NBEA: variants seen among roughly 807,000 people sequenced by gnomAD.
NBEA encodes neurobeachin.
NBEA carries 44 observed loss-of-function variants against 343.4 expected under a neutral mutation model. The ratio of observed to expected loss-of-function variants is 0.13; its 90% confidence interval spans 0.10 to 0.16. The LOEUF is 0.16. Ranked by LOEUF, NBEA falls within the 10% of genes least tolerant of loss-of-function variation. NBEA has a pLI of 1.00. For synonymous variants in NBEA, 1,175 were observed against 1,238.7 expected, an observed-to-expected ratio of 0.95 and a Z score of 1.08; for missense variants, 2,555 against 3,631.3, an observed-to-expected ratio of 0.70 and a Z score of 7.62.
intron 41 of NBEA, among the ~76,000 whole-genome samples, chr13:35,501,799 G>A (rs892678104): frequency 1.8e-4 from 27 of 151,954 alleles, no homozygotes; most frequent in African/African-American, 5.6e-4. Context: ...CCATTTCCTC[G>A]ACTCCTCCTG....
rs569654531 is a variant in NBEA, at chr13:35,428,228, C to T, written c.6180-4041C>T. 5.9e-5 allele frequency among the ~76,000 whole-genome samples: 9 copies of T among 152,240 alleles called. No homozygotes were observed. The East Asian group carries it at 7.7e-4, about 13-fold the overall frequency. ...AATCACCCATCTTCTGCGTTGCTCA[C>T]GCTGGGAGCTGTAGACCGGAGCTGT... On this transcript the variant is annotated intron_variant, in intron 38 of 58. Coordinates refer to ENST00000379939, the MANE Select transcript of NBEA (RefSeq NM_001385012.1).
rs535905888 is a variant in NBEA, at chr13:35,111,214, G to A, written c.2002+236G>A. 5.3e-5 allele frequency among the ~76,000 whole-genome samples: 8 copies of A among 152,150 alleles called. No homozygotes were observed. The East Asian group carries it at 1.4e-3, about 26-fold the overall frequency. Reference sequence around the variant, plus strand: ...CAATAGTCTTTATTTTAGCCTGTATGCTTTTTTTTCATTCAGGAAGATACA... The same window carrying A: ...CAATAGTCTTTATTTTAGCCTGTATACTTTTTTTTCATTCAGGAAGATACA... On this transcript the variant is annotated intron_variant, in intron 13 of 58. Transcript: ENST00000379939.
At chr13:35,654,794 G>A in intron 53 of NBEA, 61 bp from the exon 54 acceptor site, 1 of 1,371,196 alleles carries the variant, frequency 7.3e-7, no homozygotes, top group South Asian at 1.5e-5. Context: ...TTCCTTCTTT[G>A]AGTGCTTGGC....
At chr13:35,466,249 A>T (rs1251819722) in intron 40 of NBEA, among the ~76,000 whole-genome samples, 3 of 152,206 alleles carry the variant, frequency 2.0e-5, no homozygotes, top group Non-Finnish European at 4.4e-5. Context: ...AGGATAGATT[A>T]TGCTCAAGAA....
At chr13:35,282,401 G>C (rs1281494139) in intron 34 of NBEA, among the ~76,000 whole-genome samples, 1 of 152,066 alleles carries the variant, frequency 6.6e-6, no homozygotes, top group Admixed American at 6.6e-5. Context: ...AGTCTTTCTT[G>C]AGCAGTGTTA....
At chr13:35,015,979 C>G (rs181188138) in intron 1 of NBEA, among the ~76,000 whole-genome samples, 108 of 152,144 alleles carry the variant, frequency 7.1e-4, no homozygotes, top group African/African-American at 2.4e-3. Context: ...ATCTTTTATT[C>G]ATTCATTTGA....
intron 43 of NBEA, 64 bp downstream of exon 43, chr13:35,551,096 C>T: frequency 2.1e-6 from 2 of 948,206 alleles, no homozygotes; most frequent in Non-Finnish European, 3.2e-6. Flanking sequence ...AATATTACAG[C>T]AATGTAAATG....
At chr13:35,261,571 G>A (rs13378571) in intron 34 of NBEA, among the ~76,000 whole-genome samples, 10,234 of 151,830 alleles carry the variant, frequency 0.067, 356 homozygotes, top group African/African-American at 0.088. Context: ...ATGTAAAAAA[G>A]AAAGAAATGG....
rs552083481 is a variant in NBEA at position 35,111,394 on chromosome 13, AT to A, written c.2002+426del. ...TAATGGAAACTAATTCTTCACTGTG[AT>A]TTTTTTTTTGAAAATATAGCCAGTT... On this transcript the variant is annotated intron_variant, in intron 13 of 58. Coordinates refer to ENST00000379939, the MANE Select transcript of NBEA (RefSeq NM_001385012.1). Among the ~76,000 whole-genome samples, 582 of 149,548 alleles carry A rather than the reference AT, an allele frequency of 3.9e-3. 2 individuals are homozygous for A. Among genetic ancestry groups the A allele is most frequent in the Middle Eastern group, 7.0e-3 (2 of 286 alleles).
chr13:35,619,599 AG>A (rs1322576305), intron 48 of NBEA, among the ~76,000 whole-genome samples: 1 of 152,148 alleles, frequency 6.6e-6, no homozygotes, highest in Non-Finnish European at 1.5e-5. Context: ...GATGGGCCAG[AG>A]GGGGCTCAGA....
rs17052205 is a variant in NBEA at position 35,400,403 on chromosome 13, T to G, written c.6180-31866T>G. Among the ~76,000 whole-genome samples the G allele has an allele frequency of 2.6e-3, 398 of 152,050 alleles. 2 individuals carry two copies. Among genetic ancestry groups the G allele is most frequent in the South Asian group, 5.0e-3 (24 of 4,824 alleles). On this transcript the variant is annotated intron_variant, in intron 38 of 58. Transcript: ENST00000379939. Reference sequence around the variant, plus strand: ...TATATGTTTAAGGGATATAATGTAGTGCCTGGCTCACATTTGTTACTCAGA... The same window carrying G: ...TATATGTTTAAGGGATATAATGTAGGGCCTGGCTCACATTTGTTACTCAGA...
intron 33 of NBEA, among the ~76,000 whole-genome samples, chr13:35,219,124 G>A (rs1485890064): frequency 1.3e-5 from 2 of 151,982 alleles, no homozygotes; most frequent in Non-Finnish European, 2.9e-5. Context: ...CATATAATCT[G>A]TAGTAATGTC....
rs61074134 is a variant in NBEA at position 35,059,732 on chromosome 13, T to C, written c.1239+869T>C. ...CTTTGTATTTTTGCATTGGTATTTC[T>C]CTTTGTATGTCATATATATATATAT... On this transcript the variant is annotated intron_variant, in intron 8 of 58. Coordinates refer to ENST00000379939, the MANE Select transcript of NBEA (RefSeq NM_001385012.1). Among the ~76,000 whole-genome samples the C allele has an allele frequency of 4.9e-3, 703 of 143,888 alleles. 7 individuals are homozygous for C. The highest frequency in any genetic ancestry group is 0.017 in the African/African-American group (679 of 40,124). 94.4% of individuals were successfully genotyped at this position (143,888 alleles called of 152,430 possible).
At chr13:35,522,082 T>C (rs1218693623) in intron 41 of NBEA, among the ~76,000 whole-genome samples, 1 of 151,806 alleles carries the variant, frequency 6.6e-6, no homozygotes, top group Non-Finnish European at 1.5e-5. Flanking sequence ...ACAGCAGGGA[T>C]TCAAGGGGAT....
intron 33 of NBEA, among the ~76,000 whole-genome samples, chr13:35,220,182 A>G (rs752867819): frequency 2.0e-5 from 3 of 152,166 alleles, no homozygotes; most frequent in Non-Finnish European, 4.4e-5. Flanking sequence ...TTTTGCAGAC[A>G]TACATGTACA....
At chr13:35,260,293 A>C (rs1254375332) in intron 34 of NBEA, among the ~76,000 whole-genome samples, 1 of 152,248 alleles carries the variant, frequency 6.6e-6, no homozygotes, top group Non-Finnish European at 1.5e-5. Context: ...AAATTCTAAA[A>C]GACATACTTT....
At chr13:35,428,709 G>A (rs1220694977) in intron 38 of NBEA, among the ~76,000 whole-genome samples, 3 of 152,154 alleles carry the variant, frequency 2.0e-5, no homozygotes, top group Non-Finnish European at 4.4e-5. Flanking sequence ...CCATTTCGAT[G>A]TTGGCATTTT....
intron 33 of NBEA, among the ~76,000 whole-genome samples, chr13:35,213,259 A>G (rs992259338): frequency 6.6e-6 from 1 of 152,040 alleles, no homozygotes; most frequent in Non-Finnish European, 1.5e-5. Context: ...TTTGTCACAA[A>G]TTAGTTTTTC....
intron 11 of NBEA, among the ~76,000 whole-genome samples, chr13:35,108,956 A>G (rs1174327084): frequency 6.6e-6 from 1 of 152,118 alleles, no homozygotes; most frequent in African/African-American, 2.4e-5. Context: ...TTCTATGTCT[A>G]AGATCTCTTC....
Sources: gnomAD v4.1 joint callset for allele counts (sites outside exome capture counted in the v4.1 genomes callset) on GRCh38, gnomAD v4.1.1 for gene constraint, MANE v1.5 for transcripts, NCBI Gene and HGNC (gene_info 2026-07-23, HGNC 2026-07-21) for gene names.